The following TMEM243 variants were observed in gnomAD, a reference collection of about 807,000 sequenced individuals.
The protein encoded by TMEM243 is MDR1 and mitochondrial taxol resistance associated.
A neutral mutation model predicts 15.0 loss-of-function variants in TMEM243; 20 were observed. The observed-to-expected ratio is 1.33, with a 90% CI of 0.94 to 1.93. TMEM243 has a LOEUF of 1.93. TMEM243 is among the 30% of genes most tolerant of loss of function. TMEM243 has a pLI of 0.00. For synonymous variants in TMEM243, 72 were observed against 52.7 expected (o/e 1.37, Z -1.59); for missense variants, 156 against 142.1 (o/e 1.10, Z -0.50).
chr7:87,206,776 A>C (rs893259110), intron 1 of TMEM243, among the ~76,000 whole-genome samples: 1 of 152,242 alleles, frequency 6.6e-6, no homozygotes, highest in Non-Finnish European at 1.5e-5. Context: ...AGTGGGAACT[A>C]CTACACTTGT....
At chr7:87,209,892 CAGTG>C (rs200475171) in intron 1 of TMEM243, among the ~76,000 whole-genome samples, 4,520 of 131,714 alleles carry the variant, frequency 0.034, 107 homozygotes, top group Middle Eastern at 0.08. Flanking sequence ...GCGTGAGAGA[CAGTG>C]AGAGAGTGAG....
At chr7:87,201,176 C>G (rs1428955113) in intron 1 of TMEM243, among the ~76,000 whole-genome samples, 1 of 152,182 alleles carries the variant, frequency 6.6e-6, no homozygotes, top group African/African-American at 2.4e-5. Flanking sequence ...AAGTGTTTCT[C>G]AGAATATTTT....
chr7:87,199,044 T>C lies in TMEM243; in HGVS notation c.92A>G (p.Asn31Ser), dbSNP rs199989956. 1 of 1,606,732 alleles carries C rather than the reference T, an allele frequency of 6.2e-7. No homozygotes were observed. The highest frequency in any genetic ancestry group is 8.5e-7 in the Non-Finnish European group (1 of 1,177,528). Residue 31 changes from asparagine to serine, a missense_variant, in exon 2 of 4, where the codon AAT becomes AGT. Asn to Ser is a conservative substitution (Grantham distance 46, BLOSUM62 1). Transcript: ENST00000257637. ...GETSAKDRII[N>S]LVVGSLTSLL... The stretch of plus-strand genomic sequence containing the variant: ...GGATGTTAAGCTGCCAACAACTAAA[T>C]TGATGATTCGATCCTGAAAGAGAAA...
chr7:87,218,090 T>C (rs1161767596), intron 1 of TMEM243, among the ~76,000 whole-genome samples: 2 of 152,276 alleles, frequency 1.3e-5, no homozygotes, highest in Non-Finnish European at 2.9e-5. Context: ...AGTTCTTGTC[T>C]GTACCCTAAC....
At position 87,197,700 on chromosome 7, in the gene TMEM243, TTTTTTTTTTTTTTTTTA is replaced by T. The variant is rs1758844846; in HGVS notation, c.234+224_234+240del. 7 of 1,067,108 alleles carry T rather than the reference TTTTTTTTTTTTTTTTTA, an allele frequency of 6.6e-6. No individual in the cohort carries two copies. The South Asian group carries it at 1.2e-4, about 18-fold the overall frequency. The allele number at this position is 1,067,108 out of a possible 1,614,324, so 66.1% of individuals were successfully genotyped here. ...CGTCTTTCCACTAATTTTTTTTTTTTTTTTTTTTTTTTTTTTAAGCTATCAAGGGAGTGGAATTTCTC... is the reference window on the plus strand; with the variant it reads ...CGTCTTTCCACTAATTTTTTTTTTTTAGCTATCAAGGGAGTGGAATTTCTC... On this transcript the variant is annotated intron_variant, in intron 3 of 3. Coordinates refer to ENST00000257637, the MANE Select transcript of TMEM243 (RefSeq NM_024315.4).
At chr7:87,204,547 T>G (rs1802065411) in intron 1 of TMEM243, among the ~76,000 whole-genome samples, 1 of 152,132 alleles carries the variant, frequency 6.6e-6, no homozygotes, top group Non-Finnish European at 1.5e-5. Context: ...TCAGAAAAAC[T>G]GGCCAAAATA....
chr7:87,203,501 G>A (rs1028771077), intron 1 of TMEM243, among the ~76,000 whole-genome samples: 1 of 151,866 alleles, frequency 6.6e-6, no homozygotes, highest in Non-Finnish European at 1.5e-5. Flanking sequence ...TGTAGTCTCA[G>A]CTACTTGGGA....
At chr7:87,214,876 T>G (rs939925825) in intron 1 of TMEM243, among the ~76,000 whole-genome samples, 3 of 152,206 alleles carry the variant, frequency 2.0e-5, no homozygotes, top group Non-Finnish European at 4.4e-5. Flanking sequence ...CATATACACC[T>G]TACACACATA....
At chr7:87,215,708 A>C (rs1388272590) in intron 1 of TMEM243, among the ~76,000 whole-genome samples, 2 of 152,202 alleles carry the variant, frequency 1.3e-5, no homozygotes, top group Non-Finnish European at 2.9e-5. Flanking sequence ...GAATGGTTCA[A>C]AAAAGATGTA....
At chr7:87,210,031 G>A (rs1032861827) in intron 1 of TMEM243, among the ~76,000 whole-genome samples, 17 of 111,674 alleles carry the variant, frequency 1.5e-4, no homozygotes, top group African/African-American at 5.9e-4. Context: ...GGGGGAGGAG[G>A]TGACAGAGAG....
rs746180957 is a variant in TMEM243 at position 87,198,987 on chromosome 7, C to T, written c.129+20G>A. ...AAACTGGCTAAGAGCCTGGGTGAGG[C>T]ACAAAATGAGGATACTTACTAGAAT... On this transcript the variant is annotated intron_variant, in intron 2 of 3. Transcript: ENST00000257637. 1.3e-6 allele frequency: 2 copies of T among 1,583,134 alleles called. No individual in the cohort carries two copies. The highest frequency in any genetic ancestry group is 1.7e-6 in the Non-Finnish European group (2 of 1,168,926).
chr7:87,203,457 AT>A (rs1801971916), intron 1 of TMEM243, among the ~76,000 whole-genome samples: 1 of 151,978 alleles, frequency 6.6e-6, no homozygotes, highest in African/African-American at 2.4e-5. Context: ...TACAAAAAAA[AT>A]ATAAAAATTA....
At chr7:87,217,433 T>C (rs1295151841) in intron 1 of TMEM243, among the ~76,000 whole-genome samples, 1 of 152,216 alleles carries the variant, frequency 6.6e-6, no homozygotes, top group Non-Finnish European at 1.5e-5. Flanking sequence ...CTATTGAGGC[T>C]CCATTCCTGG....
Position 87,210,073 on chromosome 7 carries a change from G to A in TMEM243, c.78+9353C>T, listed in dbSNP as rs368727436. On this transcript the variant is annotated intron_variant, in intron 1 of 3. Coordinates refer to ENST00000257637, the MANE Select transcript of TMEM243 (RefSeq NM_024315.4). ...GAGGGGAAGGGGGGACAGATGGGGAGGGCGGGAGCGGGGAAGCGTGTGGGA... is the reference window on the plus strand; with the variant it reads ...GAGGGGAAGGGGGGACAGATGGGGAAGGCGGGAGCGGGGAAGCGTGTGGGA... 1.6e-4 allele frequency among the ~76,000 whole-genome samples: 23 copies of A among 147,422 alleles called. 1 individual carries two copies. The East Asian group carries it at 3.3e-3, about 21-fold the overall frequency.
In TMEM243 at chr7:87,219,326, G is replaced by C. The variant is rs902449661; in HGVS notation, c.78+100C>G. 1.7e-5 allele frequency: 19 copies of C among 1,137,904 alleles called. No individual in the cohort carries two copies. In the Admixed American group the frequency reaches 3.4e-4, roughly 20 times the overall value. The allele number at this position is 1,137,904 out of a possible 1,614,324, so 70.5% of individuals were successfully genotyped here. On this transcript the variant is annotated intron_variant, in intron 1 of 3. Coordinates refer to ENST00000257637, the MANE Select transcript of TMEM243 (RefSeq NM_024315.4). Reference sequence around the variant, plus strand: ...TGCAGAACCAGCTTCCTCCCTAAAAGTGCTTTTAGGAGCCGCAGAAAGACG... The same window carrying C: ...TGCAGAACCAGCTTCCTCCCTAAAACTGCTTTTAGGAGCCGCAGAAAGACG...
At chr7:87,197,776 G>C in intron 3 of TMEM243, 165 bp downstream of exon 3, 1 of 1,470,034 alleles carries the variant, frequency 6.8e-7, no homozygotes, top group Non-Finnish European at 9.0e-7. Flanking sequence ...TAGGAGAAAA[G>C]GAGAAGACTC....
intron 1 of TMEM243, among the ~76,000 whole-genome samples, chr7:87,210,144 C>T (rs1244361336): frequency 1.3e-5 from 2 of 152,050 alleles, no homozygotes; most frequent in African/African-American, 4.8e-5. Flanking sequence ...GTCATGAGAA[C>T]TCGTTCATGA....
rs1803352799 is a variant in TMEM243 at position 87,219,552 on chromosome 7, G to A, written c.-49C>T. On this transcript the variant is annotated 5_prime_UTR_variant, in exon 1 of 4. Transcript: ENST00000257637. ...AAGCCACTTAAAAGCAAGACAGCATGACCTCCCGAGGTCTCAGGTCCACGA... is the reference window on the plus strand; with the variant it reads ...AAGCCACTTAAAAGCAAGACAGCATAACCTCCCGAGGTCTCAGGTCCACGA... The A allele has an allele frequency of 6.5e-7, 1 of 1,546,468 alleles. No homozygotes were observed. Among genetic ancestry groups the A allele is most frequent in the Non-Finnish European group, 8.9e-7 (1 of 1,120,342 alleles).
rs1213540085 is a variant in TMEM243 at position 87,196,566 on chromosome 7, A to T, written c.*70T>A. 1 of 1,491,046 alleles carries T rather than the reference A, an allele frequency of 6.7e-7. No homozygotes were observed. The highest frequency in any genetic ancestry group is 1.4e-5 in the African/African-American group (1 of 69,012). The allele number at this position is 1,491,046 out of a possible 1,614,324, so 92.4% of individuals were successfully genotyped here. A position where few individuals can be genotyped will look rare whatever the true frequency, so the allele number is the denominator to read the frequency against. ...TGCAGGAGATTCTTCAGCATACCTTATCCAAAAATTACTCACTGTCCTAAT... is the reference window on the plus strand; with the variant it reads ...TGCAGGAGATTCTTCAGCATACCTTTTCCAAAAATTACTCACTGTCCTAAT... On this transcript the variant is annotated 3_prime_UTR_variant, in exon 4 of 4. Coordinates refer to ENST00000257637, the MANE Select transcript of TMEM243 (RefSeq NM_024315.4).
Sources: allele counts gnomAD v4.1 joint callset (sites outside exome capture counted in the v4.1 genomes callset), GRCh38; gene constraint gnomAD v4.1.1; transcripts MANE v1.5; gene names NCBI Gene and HGNC (gene_info 2026-07-23, HGNC 2026-07-21).